The following INPP4B variants were observed in gnomAD, a reference collection of about 807,000 sequenced individuals.
The protein encoded by INPP4B is inositol polyphosphate-4-phosphatase type II B.
Under a neutral mutation model 122.5 loss-of-function variants are expected in INPP4B, and 55 were observed. The observed-to-expected ratio is 0.45, with a 90% CI of 0.36 to 0.56. The LOEUF (loss-of-function observed/expected upper bound fraction) is 0.56, where lower values mean the gene tolerates loss of function less well. Among genes scored for constraint, INPP4B ranks in the 20% least tolerant of loss-of-function variants. The pLI, the probability that INPP4B is intolerant of heterozygous loss-of-function variation, is 0.00. For missense variants in INPP4B, 1,000 were observed against 1,097.7 expected (o/e 0.91, Z 1.26); for synonymous variants, 403 against 388.7 (o/e 1.04, Z -0.43).
At chr4:142,579,679 A>T (rs1482078496) in intron 2 of INPP4B, among the ~76,000 whole-genome samples, 1 of 151,618 alleles carries the variant, frequency 6.6e-6, no homozygotes, top group Non-Finnish European at 1.5e-5. Context: ...TCCCCTTCAG[A>T]CATGAATGGA....
chr4:142,451,588 C>T (rs1814232636), intron 3 of INPP4B, among the ~76,000 whole-genome samples: 1 of 152,130 alleles, frequency 6.6e-6, no homozygotes, highest in Non-Finnish European at 1.5e-5. Flanking sequence ...ATCCAGTTCT[C>T]CAGATCCAGC....
intron 10 of INPP4B, 26 bp from the exon 11 acceptor site, chr4:142,260,590 A>G: frequency 7.0e-7 from 1 of 1,436,082 alleles, no homozygotes; most frequent in Non-Finnish European, 9.5e-7. Flanking sequence ...AAAAAAAAAA[A>G]AAAATTTTGA....
chr4:142,104,182 G>A (rs1043056793), intron 23 of INPP4B, among the ~76,000 whole-genome samples: 1 of 152,016 alleles, frequency 6.6e-6, no homozygotes, highest in African/African-American at 2.4e-5. Flanking sequence ...TTTGACAGTT[G>A]GTCCCTCCTC....
chr4:142,778,367 C>T (rs1362159688), intron 1 of INPP4B, among the ~76,000 whole-genome samples: 1 of 152,100 alleles, frequency 6.6e-6, no homozygotes. Flanking sequence ...ACGCTGGCTA[C>T]AGGTCAAGAA....
At chr4:142,410,896 A>T (rs1804472916) in intron 5 of INPP4B, among the ~76,000 whole-genome samples, 1 of 152,240 alleles carries the variant, frequency 6.6e-6, no homozygotes, top group African/African-American at 2.4e-5. Flanking sequence ...TGCTCAAGAT[A>T]TTCCAGATTG....
At position 142,314,853 on chromosome 4, in the gene INPP4B, G is replaced by A. The variant is rs114351052; in HGVS notation, c.373-91C>T. ...GCTGGGTTTCAATTTCCTTCATCTC[G>A]CGTCAATTCAGACTCTGTGGTTAAT... is the stretch of plus-strand genomic sequence containing the variant. On this transcript the variant is annotated intron_variant, in intron 7 of 25. Coordinates refer to ENST00000262992, the MANE Select transcript of INPP4B (RefSeq NM_001101669.3). 1,609 of 1,006,284 alleles carry A rather than the reference G, an allele frequency of 1.6e-3. 25 individuals carry two copies. In the African/African-American group the frequency reaches 0.023, roughly 14 times the overall value. 62.3% of individuals were successfully genotyped at this position (1,006,284 alleles called of 1,614,324 possible). A position where few individuals can be genotyped will look rare whatever the true frequency, so the allele number is the denominator to read the frequency against.
chr4:142,626,328 G>A (rs1442911151), intron 2 of INPP4B, among the ~76,000 whole-genome samples: 3 of 151,960 alleles, frequency 2.0e-5, no homozygotes, highest in African/African-American at 7.2e-5. Context: ...GACACAATCA[G>A]GTAAATCCTT....
At chr4:142,810,875 G>A (rs1561096429) in intron 1 of INPP4B, among the ~76,000 whole-genome samples, 1 of 152,158 alleles carries the variant, frequency 6.6e-6, no homozygotes, top group Non-Finnish European at 1.5e-5. Context: ...AAAGAAAAGT[G>A]TCTTGCATAC....
chr4:142,139,461 C>T (rs1806577415), intron 18 of INPP4B, among the ~76,000 whole-genome samples: 1 of 152,102 alleles, frequency 6.6e-6, no homozygotes, highest in Admixed American at 6.6e-5. Context: ...CGCGTGCTAC[C>T]ATGTTCAGTT....
intron 1 of INPP4B, among the ~76,000 whole-genome samples, chr4:142,782,936 G>C (rs1295026972): frequency 6.6e-6 from 1 of 152,100 alleles, no homozygotes; most frequent in Non-Finnish European, 1.5e-5. Flanking sequence ...TTTAATAAAT[G>C]GTGCTGGGAA....
At chr4:142,259,649 C>G (rs1431492536) in intron 11 of INPP4B, among the ~76,000 whole-genome samples, 1 of 151,588 alleles carries the variant, frequency 6.6e-6, no homozygotes. Flanking sequence ...ACTTTATACA[C>G]TTTTAAATTT....
At chr4:142,792,331 GA>G (rs554026601) in intron 1 of INPP4B, among the ~76,000 whole-genome samples, 1 of 151,404 alleles carries the variant, frequency 6.6e-6, no homozygotes, top group Non-Finnish European at 1.5e-5. Context: ...ATGTAAAAGA[GA>G]AAAAAACAGA....
chr4:142,476,279 G>GT (rs1450093688), intron 2 of INPP4B, among the ~76,000 whole-genome samples: 1 of 152,124 alleles, frequency 6.6e-6, no homozygotes, highest in Non-Finnish European at 1.5e-5. Context: ...TTTCAGAAAA[G>GT]TATATGCTAA....
intron 25 of INPP4B, among the ~76,000 whole-genome samples, chr4:142,069,201 T>C (rs1230385655): frequency 6.6e-6 from 1 of 152,124 alleles, no homozygotes; most frequent in Non-Finnish European, 1.5e-5. Context: ...CTCAACTACA[T>C]GGAAACTGAA....
intron 8 of INPP4B, among the ~76,000 whole-genome samples, chr4:142,311,848 A>G (rs895747658): frequency 1.3e-5 from 2 of 152,150 alleles, no homozygotes; most frequent in African/African-American, 4.8e-5. Flanking sequence ...CACTCAACCC[A>G]GAATGTGCTA....
intron 2 of INPP4B, among the ~76,000 whole-genome samples, chr4:142,694,514 C>A (rs985779627): frequency 6.6e-6 from 1 of 151,940 alleles, no homozygotes; most frequent in Non-Finnish European, 1.5e-5. Flanking sequence ...CCAAATTAGA[C>A]ATTTGGTCAA....
intron 1 of INPP4B, among the ~76,000 whole-genome samples, chr4:142,837,020 G>A (rs924131810): frequency 6.6e-6 from 1 of 151,984 alleles, no homozygotes; most frequent in African/African-American, 2.4e-5. Flanking sequence ...ACAAAAGTTA[G>A]CAGGGCGTGG....
intron 2 of INPP4B, among the ~76,000 whole-genome samples, chr4:142,651,941 C>T (rs982819864): frequency 2.0e-5 from 3 of 152,260 alleles, no homozygotes; most frequent in Admixed American, 6.5e-5. Flanking sequence ...AGACCAATAC[C>T]GCTGATGAAC....
intron 21 of INPP4B, among the ~76,000 whole-genome samples, chr4:142,121,026 C>T (rs1349329546): frequency 6.6e-6 from 1 of 152,058 alleles, no homozygotes; most frequent in Non-Finnish European, 1.5e-5. Flanking sequence ...CTGTACTCTG[C>T]CTACACTAAA....
Sources: gnomAD v4.1 joint callset for allele counts (sites outside exome capture counted in the v4.1 genomes callset) on GRCh38, gnomAD v4.1.1 for gene constraint, MANE v1.5 for transcripts, NCBI Gene and HGNC (gene_info 2026-07-23, HGNC 2026-07-21) for gene names.